PTPN5: variants seen among roughly 807,000 people sequenced by gnomAD.
PTPN5 encodes the protein protein tyrosine phosphatase non-receptor type 5, also known as tyrosine-protein phosphatase non-receptor type 5.
PTPN5 carries 29 observed loss-of-function variants against 73.9 expected under a neutral mutation model. That is an observed-to-expected ratio of 0.39 (90% CI 0.29 to 0.54). The LOEUF (loss-of-function observed/expected upper bound fraction) is 0.54, where lower values mean the gene tolerates loss of function less well. PTPN5 is among the 20% of genes least tolerant of loss of function. The probability of loss-of-function intolerance (pLI) is 0.65; values close to 1 mark genes in which losing one functional copy is unlikely to be tolerated. For missense variants in PTPN5, 652 were observed against 751.4 expected (o/e 0.87, Z 1.55); for synonymous variants, 267 against 304.7 (o/e 0.88, Z 1.29).
chr11:18,750,424 C>T (rs1276295509), intron 3 of PTPN5, among the ~76,000 whole-genome samples: 2 of 152,182 alleles, frequency 1.3e-5, no homozygotes, highest in African/African-American at 4.8e-5. Flanking sequence ...AGGCATTCTG[C>T]CCGCCACACC....
At chr11:18,739,687 G>A (rs1424437784) in intron 8 of PTPN5, among the ~76,000 whole-genome samples, 1 of 152,214 alleles carries the variant, frequency 6.6e-6, no homozygotes, top group Non-Finnish European at 1.5e-5. Context: ...ACCTGCTTCT[G>A]TACCCCTGTG....
chr11:18,761,847 G>A (rs1176180179), intron 3 of PTPN5, among the ~76,000 whole-genome samples: 5 of 152,220 alleles, frequency 3.3e-5, no homozygotes, highest in African/African-American at 1.2e-4. Context: ...GCTGAGAGAG[G>A]TGAGTGTGCA....
intron 2 of PTPN5, 114 bp downstream of exon 2, chr11:18,771,825 G>T: frequency 2.4e-6 from 2 of 849,422 alleles, no homozygotes; most frequent in South Asian, 1.6e-5. Context: ...GAAAAGGAAT[G>T]ATCAGGCTGA....
At chr11:18,748,156 C>A (rs183660443) in intron 3 of PTPN5, among the ~76,000 whole-genome samples, 1 of 152,218 alleles carries the variant, frequency 6.6e-6, no homozygotes, top group Admixed American at 6.5e-5. Flanking sequence ...TTTCAGGCCT[C>A]GACTCCCACC....
At chr11:18,787,590 C>T (rs1851728104) in intron 1 of PTPN5, among the ~76,000 whole-genome samples, 1 of 152,142 alleles carries the variant, frequency 6.6e-6, no homozygotes, top group Admixed American at 6.5e-5. Context: ...TATTGTTACC[C>T]CAGGGCCTCT....
intron 3 of PTPN5, among the ~76,000 whole-genome samples, chr11:18,749,165 T>C (rs143563288): frequency 6.6e-6 from 1 of 152,346 alleles, no homozygotes; most frequent in African/African-American, 2.4e-5. Context: ...CGGCTGCTTG[T>C]GTCAAGGGCT....
At chr11:18,740,900 G>C (rs1335901010) in intron 7 of PTPN5, 108 bp from the exon 8 acceptor site, 3 of 628,052 alleles carry the variant, frequency 4.8e-6, no homozygotes, top group Non-Finnish European at 7.5e-6. Flanking sequence ...GCTGGGAACA[G>C]GGTGGGGTTG....
At chr11:18,789,439 G>A (rs1454209215) in intron 1 of PTPN5, among the ~76,000 whole-genome samples, 2 of 152,166 alleles carry the variant, frequency 1.3e-5, no homozygotes, top group African/African-American at 4.8e-5. Context: ...AAGAGACTGG[G>A]ACTGGAATCC....
intron 1 of PTPN5, among the ~76,000 whole-genome samples, chr11:18,788,208 T>G (rs1851756782): frequency 6.6e-6 from 1 of 152,192 alleles, no homozygotes; most frequent in Admixed American, 6.5e-5. Flanking sequence ...ATACTCTCTT[T>G]ATCTCTCACC....
At position 18,729,600 on chromosome 11, in the gene PTPN5, A is replaced by G. The variant is rs759414643; in HGVS notation, c.1491-34T>C. On this transcript the variant is annotated intron_variant, in intron 13 of 14. Transcript: ENST00000358540. This position sits in a 1 kb window ranked among gnomAD's most constrained non-coding sequence, Gnocchi z 5.2. ...CGAGGGGACCGGTGGGGTGAGGGGC[A>G]GGGCAGCCCAGCGGGTGGGGGGCTG... 7.1e-6 allele frequency: 11 copies of G among 1,559,624 alleles called. No individual in the cohort carries two copies. The African/African-American group carries it at 1.3e-4, about 19-fold the overall frequency.
At chr11:18,749,795 G>C (rs749393926) in intron 3 of PTPN5, among the ~76,000 whole-genome samples, 1 of 152,206 alleles carries the variant, frequency 6.6e-6, no homozygotes, top group Non-Finnish European at 1.5e-5. Flanking sequence ...TGCCGCCTGA[G>C]CTCCAGAACT....
intron 9 of PTPN5, among the ~76,000 whole-genome samples, chr11:18,734,326 A>G (rs1849021661): frequency 6.6e-6 from 1 of 151,662 alleles, no homozygotes; most frequent in Non-Finnish European, 1.5e-5. Context: ...ATTTATTCAC[A>G]TGTCAAATCC....
In PTPN5 at chr11:18,772,937, G is replaced by T. The variant is rs34169037; in HGVS notation, c.-113-866C>A. ...AGGCAGAGGACTCAGGAGACGTTTG[G>T]TACCCAGGAAGGGCCATCTCTGGTG... On this transcript the variant is annotated intron_variant, in intron 1 of 14. Coordinates refer to ENST00000358540, the MANE Select transcript of PTPN5 (RefSeq NM_006906.2). Among the ~76,000 whole-genome samples, 8 of 151,970 alleles carry T rather than the reference G, an allele frequency of 5.3e-5. No homozygotes were observed. In the South Asian group the frequency reaches 1.7e-3, roughly 32 times the overall value.
intron 2 of PTPN5, among the ~76,000 whole-genome samples, chr11:18,767,263 G>A (rs139481984): frequency 7.9e-5 from 12 of 152,310 alleles, no homozygotes; most frequent in African/African-American, 2.6e-4. Flanking sequence ...GAGAGGTCAG[G>A]TTCAGGGTGG....
At position 18,743,014 on chromosome 11, in the gene PTPN5, C is replaced by T; in HGVS notation, c.461G>A (p.Gly154Asp). ...PSLLLVFLSV[G>D]LVLVTTLVWH... The stretch of plus-strand genomic sequence containing the variant: ...TACCAGGGTGGTAACGAGGACCAGG[C>T]CCACGGACAGAAAGACCAGCAGCAG... Residue 154 changes from glycine to aspartate, a missense_variant, in exon 6 of 15, where the codon GGC becomes GAC. Gly to Asp is a moderately conservative substitution (Grantham distance 94). This residue lies in a region of PTPN5 where 529 missense variants were observed against 573.9 expected (regional missense o/e 0.92). Transcript: ENST00000358540. 6.4e-7 allele frequency: 1 copy of T among 1,551,578 alleles called. No individual in the cohort carries two copies. The highest frequency in any genetic ancestry group is 8.7e-7 in the Non-Finnish European group (1 of 1,146,822).
chr11:18,752,424 C>G (rs1403688353), intron 3 of PTPN5, among the ~76,000 whole-genome samples: 5 of 152,120 alleles, frequency 3.3e-5, no homozygotes, highest in African/African-American at 1.2e-4. Context: ...CAGATGAGCC[C>G]CCCAGGAGGA....
At position 18,765,955 on chromosome 11, in the gene PTPN5, A is replaced by G. The variant is rs1413082221; in HGVS notation, c.21-72T>C. The G allele has an allele frequency of 2.7e-6, 3 of 1,117,250 alleles. No individual in the cohort carries two copies. The African/African-American group carries it at 4.6e-5, about 17-fold the overall frequency. The allele number at this position is 1,117,250 out of a possible 1,614,324, so 69.2% of individuals were successfully genotyped here. ...AAGACAAAAACCCTGAGCAAAGATA[A>G]GAAGGCTCCCTCTCCTGTATTCTGT... On this transcript the variant is annotated intron_variant, in intron 2 of 14. Transcript: ENST00000358540.
chr11:18,791,092 C>A (rs978437523), intron 1 of PTPN5, among the ~76,000 whole-genome samples: 5 of 152,072 alleles, frequency 3.3e-5, no homozygotes, highest in African/African-American at 1.2e-4. Context: ...TCGGTGGAGG[C>A]GAAGCAATGG....
In PTPN5 at chr11:18,743,091, T is replaced by A. The variant is rs770564666; in HGVS notation, c.400-16A>T. 154 of 1,531,860 alleles carry A rather than the reference T, an allele frequency of 1.0e-4. 2 individuals carry two copies. The Admixed American group carries it at 2.9e-3, about 29-fold the overall frequency. 94.9% of individuals were successfully genotyped at this position (1,531,860 alleles called of 1,614,324 possible). On this transcript the variant is annotated splice_polypyrimidine_tract_variant and intron_variant, in intron 5 of 14. Coordinates refer to ENST00000358540, the MANE Select transcript of PTPN5 (RefSeq NM_006906.2). ...CAAGCCAGGCCTGGGGAACATCAGA[T>A]AAACAGGTCAGGGTGGTGGTGGGGG... is the stretch of plus-strand genomic sequence containing the variant.
Sources: allele counts gnomAD v4.1 joint callset (sites outside exome capture counted in the v4.1 genomes callset), GRCh38; gene constraint gnomAD v4.1.1; regional missense constraint gnomAD v4.1.1; non-coding constraint Gnocchi (gnomAD v3.1); transcripts MANE v1.5; gene names NCBI Gene and HGNC (gene_info 2026-07-23, HGNC 2026-07-21).